KIF13A: variants seen among roughly 807,000 people sequenced by gnomAD.
KIF13A encodes the protein kinesin-like protein KIF13A.
Under a neutral mutation model 212.2 loss-of-function variants are expected in KIF13A, and 79 were observed. The observed-to-expected ratio is 0.37, with a 90% CI of 0.31 to 0.45. KIF13A has a LOEUF of 0.45. Among genes scored for constraint, KIF13A ranks in the 20% least tolerant of loss-of-function variants. KIF13A has a pLI of 1.00. For missense variants in KIF13A, 1,901 were observed against 2,209.0 expected, an observed-to-expected ratio of 0.86 and a Z score of 2.79; for synonymous variants, 789 against 808.6, an observed-to-expected ratio of 0.98 and a Z score of 0.41.
At chr6:17,905,703 C>A (rs1240836623) in intron 2 of KIF13A, among the ~76,000 whole-genome samples, 2 of 152,204 alleles carry the variant, frequency 1.3e-5, no homozygotes, top group Non-Finnish European at 2.9e-5. Flanking sequence ...ACCAAGCTGA[C>A]AAGCCAAAGA....
At chr6:17,974,270 G>A (rs892552230) in intron 2 of KIF13A, among the ~76,000 whole-genome samples, 2 of 152,094 alleles carry the variant, frequency 1.3e-5, no homozygotes, top group Non-Finnish European at 2.9e-5. Context: ...AGTAGAGATG[G>A]GGTGTCACCA....
At chr6:17,853,433 T>G (rs1175910989) in intron 6 of KIF13A, among the ~76,000 whole-genome samples, 1 of 152,144 alleles carries the variant, frequency 6.6e-6, no homozygotes, top group East Asian at 1.9e-4. Context: ...GGATAACAGT[T>G]TGCGCAATTA....
chr6:17,948,412 TC>T (rs1777585126), intron 2 of KIF13A, among the ~76,000 whole-genome samples: 1 of 152,078 alleles, frequency 6.6e-6, no homozygotes. Context: ...GTCAAATTAC[TC>T]CCAACTTCAG....
intron 2 of KIF13A, chr6:17,950,477 T>A: frequency 3.0e-6 from 3 of 984,866 alleles, no homozygotes; most frequent in Non-Finnish European, 3.6e-6. Context: ...CTGGTCAAAT[T>A]TACCTTCTTA....
At chr6:17,851,103 A>G (rs1161287953) in intron 7 of KIF13A, among the ~76,000 whole-genome samples, 1 of 152,192 alleles carries the variant, frequency 6.6e-6, no homozygotes, top group Non-Finnish European at 1.5e-5. Flanking sequence ...CCTCAACCAC[A>G]CTGAGCTAAG....
chr6:17,759,563 T>C (rs376770783), downstream of KIF13A: 10 of 152,334 alleles, frequency 6.6e-5, no homozygotes, highest in South Asian at 1.0e-3. Flanking sequence ...AGACCGATTA[T>C]ACAGGCATCT....
rs1767479150 is a variant in KIF13A at position 17,850,047 on chromosome 6, G to A, written c.717+276C>T. ...TTGCTATATTGTACAAGATGGTCAT[G>A]AACTTCTGCCCTCAAGCAATCCTCC... is the stretch of plus-strand genomic sequence containing the variant. On this transcript the variant is annotated intron_variant, in intron 8 of 38. Transcript: ENST00000259711. This position sits in a 1 kb window ranked among gnomAD's most constrained non-coding sequence, Gnocchi z 6.2. Among the ~76,000 whole-genome samples the A allele has an allele frequency of 1.3e-5, 2 of 152,116 alleles. No homozygotes were observed. Among genetic ancestry groups the A allele is most frequent in the South Asian group, 4.2e-4 (2 of 4,816 alleles).
At chr6:17,760,922 C>T (rs770129319), downstream of KIF13A, 3 of 1,605,084 alleles carry the variant, frequency 1.9e-6, no homozygotes, top group Non-Finnish European at 2.6e-6. Context: ...ATCCCCACCT[C>T]CCCACCCCAC....
rs1490082988 is a variant in KIF13A at position 17,967,386 on chromosome 6, CAA to C, written c.146+19666_146+19667del. On this transcript the variant is annotated intron_variant, in intron 2 of 38. Transcript: ENST00000259711. The surrounding 1 kb of genome is among the most constrained non-coding windows in gnomAD (Gnocchi z 4.1). Reference sequence around the variant, plus strand: ...TTTTACCTCTAATATCTTATATTTTCAAAGTGTTCAACAGTGAATGGGCATCA... The same window carrying C: ...TTTTACCTCTAATATCTTATATTTTCAGTGTTCAACAGTGAATGGGCATCA... Among the ~76,000 whole-genome samples the C allele has an allele frequency of 2.0e-5, 3 of 152,070 alleles. No individual in the cohort carries two copies. The highest frequency in any genetic ancestry group is 2.9e-5 in the Non-Finnish European group (2 of 68,002).
intron 2 of KIF13A, among the ~76,000 whole-genome samples, chr6:17,909,537 A>G (rs1443683672): frequency 7.0e-6 from 1 of 142,450 alleles, no homozygotes; most frequent in Non-Finnish European, 1.5e-5. Flanking sequence ...TCTGTCTCAG[A>G]AAAAAAAAAA....
downstream of KIF13A, among the ~76,000 whole-genome samples, chr6:17,761,805 T>C (rs1758598868): frequency 6.6e-6 from 1 of 152,214 alleles, no homozygotes; most frequent in African/African-American, 2.4e-5. Flanking sequence ...TTCCAATCCT[T>C]ACCTTTTCCT....
Position 17,951,088 on chromosome 6 carries a change from T to C in KIF13A, c.146+35966A>G. 1 of 1,117,086 alleles carries C rather than the reference T, an allele frequency of 9.0e-7. No individual in the cohort carries two copies. The highest frequency in any genetic ancestry group is 1.1e-6 in the Non-Finnish European group (1 of 916,358). The allele number at this position is 1,117,086 out of a possible 1,614,324, so 69.2% of individuals were successfully genotyped here. On this transcript the variant is annotated intron_variant, in intron 2 of 38. Transcript: ENST00000259711. The surrounding 1 kb of genome is among the most constrained non-coding windows in gnomAD (Gnocchi z 4.9). The stretch of plus-strand genomic sequence containing the variant: ...CACCTAAGGAATTGTACTTATTATA[T>C]ATAACACTTTGCCAACCATCCATTT...
chr6:17,789,372 GC>G lies in KIF13A; in HGVS notation c.3261+499del, dbSNP rs1467221594. ...AAAATGTCTCCAATTTTCCTATTCA[GC>G]AAAAGTCTTGTAAAGTAAAATGGCA... On this transcript the variant is annotated intron_variant, in intron 26 of 38. Transcript: ENST00000259711. The surrounding 1 kb of genome is among the most constrained non-coding windows in gnomAD (Gnocchi z 4.8). Among the ~76,000 whole-genome samples the G allele has an allele frequency of 1.3e-5, 2 of 152,096 alleles. No homozygotes were observed. The highest frequency in any genetic ancestry group is 2.9e-5 in the Non-Finnish European group (2 of 68,028).
intron 2 of KIF13A, among the ~76,000 whole-genome samples, chr6:17,917,997 C>G (rs575268031): frequency 2.9e-4 from 44 of 152,154 alleles, no homozygotes; most frequent in South Asian, 6.2e-4. Flanking sequence ...AGAGGCATTC[C>G]CTGACCTTCC....
At chr6:17,893,258 A>G (rs1206257683) in intron 3 of KIF13A, among the ~76,000 whole-genome samples, 7 of 152,204 alleles carry the variant, frequency 4.6e-5, no homozygotes. Flanking sequence ...CCCTTACCTG[A>G]GCACAGCTGA....
rs865857392 is a variant in KIF13A at position 17,976,419 on chromosome 6, C to T, written c.146+10635G>A. ...GGGGACCCAGTACACCCTCCGCAGC[C>T]GCTGGCCCGGGTGCTAAGCCCTTCA... On this transcript the variant is annotated intron_variant, in intron 2 of 38. Transcript: ENST00000259711. 2.2e-4 allele frequency among the ~76,000 whole-genome samples: 34 copies of T among 152,338 alleles called. No individual in the cohort carries two copies. The East Asian group carries it at 2.3e-3, about 10-fold the overall frequency.
At chr6:17,866,677 A>T (rs566326382) in intron 4 of KIF13A, among the ~76,000 whole-genome samples, 30 of 151,728 alleles carry the variant, frequency 2.0e-4, no homozygotes, top group South Asian at 6.2e-4. Context: ...TGCTATTGTT[A>T]TTCACCCCTC....
At chr6:17,889,070 G>A (rs149157116) in intron 3 of KIF13A, among the ~76,000 whole-genome samples, 114 of 152,222 alleles carry the variant, frequency 7.5e-4, no homozygotes, top group African/African-American at 2.5e-3. Context: ...GAGGCCAAAT[G>A]CTTAGTAGCA....
At chr6:17,960,785 A>G (rs1778752251) in intron 2 of KIF13A, among the ~76,000 whole-genome samples, 1 of 152,244 alleles carries the variant, frequency 6.6e-6, no homozygotes, top group South Asian at 2.1e-4. Flanking sequence ...TCTATCATAT[A>G]GTAGTGCAGG....
Sources: gnomAD v4.1 joint callset for allele counts (sites outside exome capture counted in the v4.1 genomes callset) on GRCh38, gnomAD v4.1.1 for gene constraint, Gnocchi (gnomAD v3.1) non-coding constraint, MANE v1.5 for transcripts, NCBI Gene and HGNC (gene_info 2026-07-23, HGNC 2026-07-21) for gene names.